The following KIT variants were observed in gnomAD, a reference collection of about 807,000 sequenced individuals.
KIT encodes the protein mast/stem cell growth factor receptor Kit.
A neutral mutation model predicts 105.7 loss-of-function variants in KIT; 16 were observed. The ratio of observed to expected loss-of-function variants is 0.15; its 90% confidence interval spans 0.10 to 0.23. KIT has a LOEUF of 0.23. Among genes scored for constraint, KIT ranks in the 10% least tolerant of loss-of-function variants. The probability of loss-of-function intolerance (pLI) is 1.00; values close to 1 mark genes in which losing one functional copy is unlikely to be tolerated. For synonymous variants in KIT, 438 were observed against 441.1 expected (o/e 0.99, Z 0.09); for missense variants, 858 against 1,213.8 (o/e 0.71, Z 4.36).
chr4:54,700,884 A>G (rs183225606), intron 4 of KIT, among the ~76,000 whole-genome samples: 9 of 152,332 alleles, frequency 5.9e-5, no homozygotes, highest in African/African-American at 2.2e-4. Flanking sequence ...CTTTCAAACC[A>G]ATGACTCAGA....
At chr4:54,691,959 A>G (rs1719742539) in intron 1 of KIT, among the ~76,000 whole-genome samples, 1 of 152,148 alleles carries the variant, frequency 6.6e-6, no homozygotes, top group Admixed American at 6.5e-5. Flanking sequence ...ATACATAGGA[A>G]GTGGGTGAGT....
intron 1 of KIT, among the ~76,000 whole-genome samples, chr4:54,686,122 A>G (rs920200227): frequency 6.6e-6 from 1 of 151,758 alleles, no homozygotes; most frequent in African/African-American, 2.4e-5. Flanking sequence ...AATTACTGAC[A>G]CTCTAGCTTT....
chr4:54,670,520 G>T (rs1395363419), intron 1 of KIT, among the ~76,000 whole-genome samples: 1 of 152,154 alleles, frequency 6.6e-6, no homozygotes, highest in Non-Finnish European at 1.5e-5. Context: ...AGGACCTGCT[G>T]TCAGGGCTCA....
intron 2 of KIT, 110 bp downstream of exon 2, chr4:54,695,891 G>A (rs1249179768): frequency 7.6e-7 from 1 of 1,308,100 alleles, no homozygotes; most frequent in African/African-American, 1.5e-5. Flanking sequence ...TTCTGGCTGG[G>A]TCTAGAAGGC....
At chr4:54,698,141 A>G (rs965943929) in intron 2 of KIT, 143 bp from the exon 3 acceptor site, 4 of 766,282 alleles carry the variant, frequency 5.2e-6, no homozygotes, top group Non-Finnish European at 6.8e-6. Flanking sequence ...TACTAGATGG[A>G]TAAATTTTGC....
In KIT at chr4:54,738,584, C is replaced by T. The variant is rs749502431; in HGVS notation, c.*27C>T. ...CAGAATCAGTGTTTGGGTCACCCCTCCAGGAATGATCTCTTCTTTTGGCTT... is the reference window on the plus strand; with the variant it reads ...CAGAATCAGTGTTTGGGTCACCCCTTCAGGAATGATCTCTTCTTTTGGCTT... On this transcript the variant is annotated 3_prime_UTR_variant, in exon 21 of 21. Transcript: ENST00000288135. 7 of 1,612,748 alleles carry T rather than the reference C, an allele frequency of 4.3e-6. No individual in the cohort carries two copies. Among genetic ancestry groups the T allele is most frequent in the Non-Finnish European group, 5.9e-6 (7 of 1,179,872 alleles).
chr4:54,727,656 G>C, intron 11 of KIT, 114 bp downstream of exon 11: 3 of 1,438,498 alleles, frequency 2.1e-6, no homozygotes, highest in Non-Finnish European at 2.9e-6. Flanking sequence ...TGAGTTTTCT[G>C]TGAAATTGCG....
intron 20 of KIT, among the ~76,000 whole-genome samples, chr4:54,737,665 C>T (rs543395289): frequency 5.5e-4 from 84 of 152,228 alleles, no homozygotes; most frequent in Admixed American, 1.8e-3. Context: ...AGAATAAAAG[C>T]ATAGAAAAGA....
At chr4:54,677,378 G>A (rs1361709097) in intron 1 of KIT, among the ~76,000 whole-genome samples, 1 of 152,076 alleles carries the variant, frequency 6.6e-6, no homozygotes, top group African/African-American at 2.4e-5. Flanking sequence ...TCTAACTTGG[G>A]GTCTGCCCTG....
intron 1 of KIT, among the ~76,000 whole-genome samples, chr4:54,688,593 T>C (rs943406303): frequency 3.3e-5 from 5 of 152,216 alleles, no homozygotes; most frequent in Non-Finnish European, 7.3e-5. Flanking sequence ...GACCTTGCAG[T>C]CATGGTTGAC....
At chr4:54,728,779 A>T (rs1172210427) in intron 13 of KIT, among the ~76,000 whole-genome samples, 1 of 152,222 alleles carries the variant, frequency 6.6e-6, no homozygotes, top group African/African-American at 2.4e-5. Context: ...CAAGTTAATT[A>T]GTTGCCTGTT....
At chr4:54,705,260 CT>C (rs1720715310) in intron 5 of KIT, among the ~76,000 whole-genome samples, 1 of 152,040 alleles carries the variant, frequency 6.6e-6, no homozygotes, top group South Asian at 2.1e-4. Context: ...ACTGGAAGGA[CT>C]TGTGGCTGTG....
chr4:54,659,829 T>A (rs1436003408), intron 1 of KIT, among the ~76,000 whole-genome samples: 1 of 152,038 alleles, frequency 6.6e-6, no homozygotes, highest in African/African-American at 2.4e-5. Context: ...GAATCAATGG[T>A]TTTCTTCTCC....
chr4:54,708,273 TTAGG>T (rs970122895), intron 6 of KIT, among the ~76,000 whole-genome samples: 1 of 151,996 alleles, frequency 6.6e-6, no homozygotes, highest in African/African-American at 2.4e-5. Context: ...GTGGGATTGT[TTAGG>T]TAGGAAGTAT....
intron 1 of KIT, among the ~76,000 whole-genome samples, chr4:54,659,614 C>A (rs577705292): frequency 3.2e-4 from 48 of 152,078 alleles, no homozygotes; most frequent in Non-Finnish European, 5.7e-4. Flanking sequence ...TGCATCTGGA[C>A]CCCTGTGCAG....
At chr4:54,696,147 C>T (rs1441212550) in intron 2 of KIT, among the ~76,000 whole-genome samples, 3 of 151,914 alleles carry the variant, frequency 2.0e-5, no homozygotes, top group African/African-American at 4.8e-5. Context: ...CTTCAGGGAG[C>T]CGAAGGCCTC....
At position 54,698,366 on chromosome 4, in the gene KIT, C is replaced by G. The variant is rs778793243; in HGVS notation, c.420C>G (p.Asp140Glu). Residue 140 changes from aspartate (D) to glutamate (E), a missense_variant, in exon 3 of 21, where the codon GAC becomes GAG. Physicochemically the swap from Asp to Glu is conservative, Grantham distance 45 (BLOSUM62 2). Coordinates refer to ENST00000288135, the MANE Select transcript of KIT (RefSeq NM_000222.3). ...NDTLVRCPLTDPEVTNYSLKG... is the reference protein window; with the variant it reads ...NDTLVRCPLTEPEVTNYSLKG... The stretch of plus-strand genomic sequence containing the variant: ...CGCTGGTCCGCTGTCCTCTCACAGA[C>G]CCAGAAGTGACCAATTATTCCCTCA... The G allele has an allele frequency of 6.2e-7, 1 of 1,614,118 alleles. No individual in the cohort carries two copies. The highest frequency in any genetic ancestry group is 1.1e-5 in the South Asian group (1 of 91,066).
chr4:54,729,230 G>A (rs1722430418), intron 13 of KIT, 105 bp from the exon 14 acceptor site: 4 of 1,204,096 alleles, frequency 3.3e-6, no homozygotes, highest in Non-Finnish European at 4.9e-6. Context: ...CTGATCCACT[G>A]AAGCTGAATA....
chr4:54,665,834 A>T (rs1717648244), intron 1 of KIT, among the ~76,000 whole-genome samples: 2 of 152,206 alleles, frequency 1.3e-5, no homozygotes, highest in African/African-American at 4.8e-5. Context: ...GTAAGAAATA[A>T]AACTAAACCC....
Sources: gnomAD v4.1 joint callset for allele counts (sites outside exome capture counted in the v4.1 genomes callset) on GRCh38, gnomAD v4.1.1 for gene constraint, MANE v1.5 for transcripts, NCBI Gene and HGNC (gene_info 2026-07-23, HGNC 2026-07-21) for gene names.